GPR139: variants seen among roughly 807,000 people sequenced by gnomAD.
GPR139 encodes the protein probable G protein-coupled receptor 139.
GPR139 carries 12 observed loss-of-function variants against 25.8 expected under a neutral mutation model. The observed-to-expected ratio is 0.47, with a 90% CI of 0.30 to 0.75. The LOEUF is 0.75. Ranked by LOEUF, GPR139 falls within the 30% of genes least tolerant of loss-of-function variation. GPR139 has a pLI of 0.07. For missense variants in GPR139, 380 were observed against 450.2 expected (o/e 0.84, Z 1.41); for synonymous variants, 184 against 179.9 (o/e 1.02, Z -0.18).
intron 1 of GPR139, among the ~76,000 whole-genome samples, chr16:20,050,032 G>A (rs2477628): frequency 0.017 from 2,663 of 152,314 alleles, 86 homozygotes; most frequent in African/African-American, 0.06. Context: ...GGTTGCAGAT[G>A]TCAGTAAACC....
chr16:20,037,467 AAAG>A (rs1399127643), intron 1 of GPR139, among the ~76,000 whole-genome samples: 36 of 150,728 alleles, frequency 2.4e-4, no homozygotes, highest in African/African-American at 8.0e-4. Flanking sequence ...AAAAAAAAAA[AAAG>A]AGAGAGAATA....
intron 1 of GPR139, among the ~76,000 whole-genome samples, chr16:20,064,437 A>G (rs2057424461): frequency 6.6e-6 from 1 of 152,140 alleles, no homozygotes; most frequent in Non-Finnish European, 1.5e-5. Flanking sequence ...CGGGAGGCTG[A>G]GGCAGGAGGA....
At position 20,032,556 on chromosome 16, in the gene GPR139, C is replaced by T; in HGVS notation, c.241G>A (p.Val81Met). Residue 81 changes from valine (V) to methionine (M), a missense_variant, in exon 2 of 2, where the codon GTG becomes ATG. Transcript: ENST00000570682. ...TCTTCCAACAGGAAGTCCACAAACA[C>T]TATGAAAAAGAGGACCAAGATGTCG... is the stretch of plus-strand genomic sequence containing the variant. ...AADILVLFFI[V>M]FVDFLLEDFI... The T allele has an allele frequency of 6.2e-7, 1 of 1,614,160 alleles. No individual in the cohort carries two copies. The highest frequency in any genetic ancestry group is 8.5e-7 in the Non-Finnish European group (1 of 1,180,016).
At chr16:20,038,329 ATGTG>A (rs1555465698) in intron 1 of GPR139, among the ~76,000 whole-genome samples, 11,141 of 95,864 alleles carry the variant, frequency 0.12, 523 homozygotes, top group East Asian at 0.24. Context: ...TAATATATAT[ATGTG>A]TGTGTGTGTG....
intron 1 of GPR139, among the ~76,000 whole-genome samples, chr16:20,046,526 T>C (rs2057354875): frequency 6.6e-6 from 1 of 152,160 alleles, no homozygotes; most frequent in Non-Finnish European, 1.5e-5. Flanking sequence ...GGCAGATCTA[T>C]TTCACCCTCT....
intron 1 of GPR139, among the ~76,000 whole-genome samples, chr16:20,038,325 ATATATGTGTGTGTGTGTGTG>A (rs1241546981): frequency 5.9e-4 from 29 of 48,936 alleles, no homozygotes; most frequent in Admixed American, 1.3e-3. Flanking sequence ...TGGATAATAT[ATATATGTGTGTGTGTGTGTG>A]TGTGTGTGTG....
At chr16:20,044,626 A>T (rs1284134021) in intron 1 of GPR139, among the ~76,000 whole-genome samples, 1 of 152,188 alleles carries the variant, frequency 6.6e-6, no homozygotes, top group Non-Finnish European at 1.5e-5. Context: ...GCTAATAGCT[A>T]TTGAGTGCTT....
At chr16:20,055,743 G>T (rs1447604439) in intron 1 of GPR139, among the ~76,000 whole-genome samples, 1 of 152,214 alleles carries the variant, frequency 6.6e-6, no homozygotes, top group Non-Finnish European at 1.5e-5. Flanking sequence ...TAGAACCAGA[G>T]AACTTCCTTC....
At chr16:20,061,735 G>C (rs531358178) in intron 1 of GPR139, among the ~76,000 whole-genome samples, 106 of 152,312 alleles carry the variant, frequency 7.0e-4, no homozygotes, top group Non-Finnish European at 1.2e-3. Context: ...TAGGATCCAA[G>C]GTAGTCACCT....
intron 1 of GPR139, among the ~76,000 whole-genome samples, chr16:20,035,940 A>G (rs2057308408): frequency 6.6e-6 from 1 of 152,208 alleles, no homozygotes; most frequent in African/African-American, 2.4e-5. Flanking sequence ...AATTTTTCCA[A>G]AAAGTATTTA....
At chr16:20,042,509 C>T (rs542542132) in intron 1 of GPR139, among the ~76,000 whole-genome samples, 9 of 152,156 alleles carry the variant, frequency 5.9e-5, no homozygotes, top group Non-Finnish European at 1.2e-4. Flanking sequence ...TTACCCTCAA[C>T]TTTGTTTCTC....
Position 20,073,595 on chromosome 16 carries a change from G to C in GPR139, c.22C>G (p.Leu8Val). 6.2e-7 allele frequency: 1 copy of C among 1,609,918 alleles called. No individual in the cohort carries two copies. Among genetic ancestry groups the C allele is most frequent in the Non-Finnish European group, 8.5e-7 (1 of 1,178,470 alleles). MEHTHAH[L>V]AANSSLSWWS... ...CAAGACAGCGAGCTGTTGGCTGCGA[G>C]GTGGGCGTGCGTGTGCTCCATGAGC... is the stretch of plus-strand genomic sequence containing the variant. The change falls in exon 1 of 2, where the codon CTC (leucine) becomes GTC (valine). Residue 8 changes from leucine to valine, a missense_variant. Physicochemically the swap from Leu to Val is conservative, Grantham distance 32 (BLOSUM62 1). Coordinates refer to ENST00000570682, the MANE Select transcript of GPR139 (RefSeq NM_001002911.4). The surrounding 1 kb of genome is among the most constrained non-coding windows in gnomAD (Gnocchi z 4.7).
chr16:20,048,080 A>C (rs2057360111), intron 1 of GPR139, among the ~76,000 whole-genome samples: 2 of 152,222 alleles, frequency 1.3e-5, no homozygotes, highest in Non-Finnish European at 2.9e-5. Flanking sequence ...GTAGGTTCTC[A>C]ATAAATACCT....
At chr16:20,063,087 G>T (rs1217204744) in intron 1 of GPR139, among the ~76,000 whole-genome samples, 1 of 152,168 alleles carries the variant, frequency 6.6e-6, no homozygotes, top group Admixed American at 6.5e-5. Context: ...GAAATGAAAT[G>T]AAATAAAAAA....
intron 1 of GPR139, among the ~76,000 whole-genome samples, chr16:20,041,521 C>T (rs764656883): frequency 6.6e-6 from 1 of 151,832 alleles, no homozygotes; most frequent in Non-Finnish European, 1.5e-5. Flanking sequence ...GCTGCCACCT[C>T]CCTCACTGTT....
Position 20,073,738 on chromosome 16 carries a change from G to A in GPR139, c.-122C>T, listed in dbSNP as rs193231911. 2,782 of 1,245,120 alleles carry A rather than the reference G, an allele frequency of 2.2e-3. 48 individuals carry two copies. In the African/African-American group the frequency reaches 0.038, roughly 17 times the overall value. The allele number at this position is 1,245,120 out of a possible 1,614,324, so 77.1% of individuals were successfully genotyped here. ...CTGGAGCAGCAGCGCCTCTCTCCCC[G>A]CAGGACTGGCTCCTACCCTTGGCCG... On this transcript the variant is annotated 5_prime_UTR_variant, in exon 1 of 2. Coordinates refer to ENST00000570682, the MANE Select transcript of GPR139 (RefSeq NM_001002911.4). This position sits in a 1 kb window ranked among gnomAD's most constrained non-coding sequence, Gnocchi z 4.7.
At chr16:20,061,039 T>A (rs1378145802) in intron 1 of GPR139, among the ~76,000 whole-genome samples, 1 of 143,816 alleles carries the variant, frequency 7.0e-6, no homozygotes, top group African/African-American at 2.6e-5. Context: ...TATTTGGGTT[T>A]CTGATCATGC....
At chr16:20,056,987 G>A (rs1048956309) in intron 1 of GPR139, among the ~76,000 whole-genome samples, 1 of 152,202 alleles carries the variant, frequency 6.6e-6, no homozygotes, top group African/African-American at 2.4e-5. Context: ...CTTGGGGAGA[G>A]GGTAATGGGG....
intron 1 of GPR139, among the ~76,000 whole-genome samples, chr16:20,055,930 G>A (rs895994411): frequency 3.2e-4 from 48 of 152,310 alleles, no homozygotes; most frequent in African/African-American, 1.1e-3. Context: ...AGGGTTAGAA[G>A]GATTAAATTA....
Sources: allele counts gnomAD v4.1 joint callset (sites outside exome capture counted in the v4.1 genomes callset), GRCh38; gene constraint gnomAD v4.1.1; non-coding constraint Gnocchi (gnomAD v3.1); transcripts MANE v1.5; gene names NCBI Gene and HGNC (gene_info 2026-07-23, HGNC 2026-07-21).